Variants in DMXL1 observed in about 807,000 individuals in gnomAD.
DMXL1 encodes the protein Dmx like 1, also known as dmX-like protein 1.
A neutral mutation model predicts 319.2 loss-of-function variants in DMXL1; 99 were observed. That is an observed-to-expected ratio of 0.31 (90% CI 0.26 to 0.37). The LOEUF (loss-of-function observed/expected upper bound fraction) is 0.37. DMXL1 is among the 10% of genes least tolerant of loss of function. The pLI is 1.00. For missense variants in DMXL1, 3,745 were observed against 3,595.6 expected (o/e 1.04, Z -1.06); for synonymous variants, 1,385 against 1,235.2 (o/e 1.12, Z -2.54).
At chr5:119,136,437 A>T (rs1766006900) in intron 13 of DMXL1, among the ~76,000 whole-genome samples, 1 of 152,274 alleles carries the variant, frequency 6.6e-6, no homozygotes, top group Non-Finnish European at 1.5e-5. Context: ...ATTCCTGGAG[A>T]AGAATTCAAG....
Position 119,129,405 on chromosome 5 carries a change from GA to G in DMXL1, c.1298del (p.Asp433ValfsTer2). The G allele has an allele frequency of 6.2e-7, 1 of 1,607,680 alleles. No homozygotes were observed. Among genetic ancestry groups the G allele is most frequent in the Non-Finnish European group, 8.5e-7 (1 of 1,178,214 alleles). On this transcript the variant is annotated frameshift_variant, in exon 10 of 44. Transcript: ENST00000539542. LOFTEE classifies it high-confidence loss of function. ...EASVEDSNQA[D>X]VKSDEETDDG... ...CAGTGTAGAAGATTCTAATCAGGCAGATGTAAAATCTGATGAAGGTAAACTT... is the reference window on the plus strand; with the variant it reads ...CAGTGTAGAAGATTCTAATCAGGCAGTGTAAAATCTGATGAAGGTAAACTT...
chr5:119,204,672 C>T (rs1013973967), intron 33 of DMXL1, among the ~76,000 whole-genome samples: 2 of 151,300 alleles, frequency 1.3e-5, no homozygotes, highest in Admixed American at 6.6e-5. Context: ...TTCAGGTGAA[C>T]TGAACAGTAG....
At position 119,129,234 on chromosome 5, in the gene DMXL1, A is replaced by G; in HGVS notation, c.1126A>G (p.Thr376Ala). 1 of 1,611,678 alleles carries G rather than the reference A, an allele frequency of 6.2e-7. No homozygotes were observed. The highest frequency in any genetic ancestry group is 8.5e-7 in the Non-Finnish European group (1 of 1,178,596). The change falls in exon 10 of 44, where the codon ACA (threonine) becomes GCA (alanine). Residue 376 changes from threonine to alanine, a missense_variant. Thr to Ala is a moderately conservative substitution (Grantham distance 58, BLOSUM62 0). This residue lies in a region of DMXL1 where 2,096 missense variants were observed against 1,985.4 expected (regional missense o/e 1.06). Coordinates refer to ENST00000539542, the MANE Select transcript of DMXL1 (RefSeq NM_001290321.3). Reference protein sequence around the residue: ...ATDIPLLPSITSLSLNENEEK... With the variant: ...ATDIPLLPSIASLSLNENEEK... ...AGACATTCCACTTCTTCCATCTATT[A>G]CATCTCTGAGTCTAAATGAAAATGA...
chr5:119,240,531 AT>A, intron 42 of DMXL1, 60 bp downstream of exon 42: 1 of 1,175,542 alleles, frequency 8.5e-7, no homozygotes. Flanking sequence ...GCTAAATATT[AT>A]TTATAAGTGG....
chr5:119,151,665 A>G (rs1769826161), intron 18 of DMXL1, among the ~76,000 whole-genome samples: 1 of 152,188 alleles, frequency 6.6e-6, no homozygotes, highest in Admixed American at 6.5e-5. Flanking sequence ...AATCAGTCAC[A>G]TTTTAATTTA....
At chr5:119,139,673 A>C (rs182926116) in intron 13 of DMXL1, among the ~76,000 whole-genome samples, 7 of 152,308 alleles carry the variant, frequency 4.6e-5, no homozygotes, top group African/African-American at 1.7e-4. Flanking sequence ...ACACAATAAT[A>C]GTGGGAGCCT....
chr5:119,151,261 G>A (rs1769729777), intron 18 of DMXL1, among the ~76,000 whole-genome samples: 1 of 151,908 alleles, frequency 6.6e-6, no homozygotes, highest in African/African-American at 2.4e-5. Context: ...GTTATGAACA[G>A]TTTGCCATAA....
chr5:119,229,766 C>T (rs1345916713), intron 38 of DMXL1, among the ~76,000 whole-genome samples: 2 of 152,080 alleles, frequency 1.3e-5, no homozygotes, highest in African/African-American at 4.8e-5. Context: ...CTAGTGAAAA[C>T]TAGGTAATAA....
chr5:119,123,400 GGAGGGAGAGGGAGAGGAGGGA>G (rs1762735499), intron 9 of DMXL1, among the ~76,000 whole-genome samples: 3 of 63,462 alleles, frequency 4.7e-5, no homozygotes, highest in African/African-American at 1.3e-4. Flanking sequence ...GAGAGGAGGG[GGAGGGAGAGGGAGAGGAGGGA>G]GAGGGAGAGG....
chr5:119,142,720 T>A (rs1247767211), intron 13 of DMXL1, among the ~76,000 whole-genome samples: 1 of 152,002 alleles, frequency 6.6e-6, no homozygotes, highest in Non-Finnish European at 1.5e-5. Flanking sequence ...CATTCTGTGG[T>A]AAGGGCACAT....
intron 31 of DMXL1, 120 bp downstream of exon 31, chr5:119,196,576 A>G (rs1779680324): frequency 1.4e-6 from 1 of 697,860 alleles, no homozygotes; most frequent in Non-Finnish European, 2.4e-6. Flanking sequence ...CCTGTTACAG[A>G]AGTTAGATTT....
chr5:119,126,069 A>AAGTCAG (rs1333940332), intron 9 of DMXL1, among the ~76,000 whole-genome samples: 1 of 152,034 alleles, frequency 6.6e-6, no homozygotes, highest in African/African-American at 2.4e-5. Flanking sequence ...GGCGGTGGTG[A>AAGTCAG]AGTCAGGAAT....
intron 37 of DMXL1, among the ~76,000 whole-genome samples, chr5:119,223,739 G>C (rs910971503): frequency 1.3e-5 from 2 of 151,912 alleles, no homozygotes; most frequent in African/African-American, 4.8e-5. Flanking sequence ...TTTTAAACCT[G>C]TGTTTGTATA....
At chr5:119,144,400 A>G (rs760933195) in intron 14 of DMXL1, 136 bp from the exon 15 acceptor site, 62 of 633,498 alleles carry the variant, frequency 9.8e-5, no homozygotes, top group Non-Finnish European at 1.7e-4. Flanking sequence ...GAGGTGCCAT[A>G]CGCTTACGTT....
intron 34 of DMXL1, among the ~76,000 whole-genome samples, chr5:119,211,778 A>G (rs1347841801): frequency 6.6e-6 from 1 of 152,212 alleles, no homozygotes; most frequent in African/African-American, 2.4e-5. Flanking sequence ...GTTTTAGTAA[A>G]TGAAAATCAC....
At chr5:119,105,145 A>T (rs771079167) in intron 3 of DMXL1, 35 bp from the exon 4 acceptor site, 1 of 1,390,794 alleles carries the variant, frequency 7.2e-7, no homozygotes, top group Admixed American at 1.7e-5. Context: ...AAATATGCCA[A>T]TCATAATGGG....
intron 1 of DMXL1, among the ~76,000 whole-genome samples, chr5:119,082,141 T>C (rs1305301428): frequency 6.6e-6 from 1 of 152,000 alleles, no homozygotes; most frequent in East Asian, 1.9e-4. Flanking sequence ...AGACAGAGTC[T>C]TACAGTGTTT....
chr5:119,101,155 A>G lies in DMXL1; in HGVS notation c.214-780A>G, dbSNP rs183870833. Among the ~76,000 whole-genome samples, 57 of 152,272 alleles carry G rather than the reference A, an allele frequency of 3.7e-4. No homozygotes were observed. The East Asian group carries it at 0.01, about 27-fold the overall frequency. On this transcript the variant is annotated intron_variant, in intron 2 of 43. Coordinates refer to ENST00000539542, the MANE Select transcript of DMXL1 (RefSeq NM_001290321.3). Reference sequence around the variant, plus strand: ...GCTTTTTGAAATCCCACCCATAATTAAAGGCCCAAACTAAACACTTCCTCC... The same window carrying G: ...GCTTTTTGAAATCCCACCCATAATTGAAGGCCCAAACTAAACACTTCCTCC...
chr5:119,199,187 C>T (rs1195391758), intron 32 of DMXL1, among the ~76,000 whole-genome samples: 1 of 152,064 alleles, frequency 6.6e-6, no homozygotes, highest in East Asian at 1.9e-4. Context: ...CATGCCTGGC[C>T]CCCAGTAGTT....
Sources: gnomAD v4.1 joint callset for allele counts (sites outside exome capture counted in the v4.1 genomes callset) on GRCh38, gnomAD v4.1.1 for gene constraint, gnomAD v4.1.1 regional missense constraint, MANE v1.5 for transcripts, NCBI Gene and HGNC (gene_info 2026-07-23, HGNC 2026-07-21) for gene names.